Variants in CTNND2 observed in about 807,000 individuals in gnomAD.
CTNND2 encodes catenin delta 2.
Under a neutral mutation model 144.4 loss-of-function variants are expected in CTNND2, and 22 were observed. The ratio of observed to expected loss-of-function variants is 0.15; its 90% CI spans 0.11 to 0.22. The LOEUF (loss-of-function observed/expected upper bound fraction) is 0.22. CTNND2 is among the 10% of genes least tolerant of loss of function. CTNND2 has a pLI of 1.00. For synonymous variants in CTNND2, 751 were observed against 695.6 expected, an observed-to-expected ratio of 1.08 and a Z score of -1.25; for missense variants, 1,353 against 1,618.8, an observed-to-expected ratio of 0.84 and a Z score of 2.82.
chr5:10,973,756 T>C lies in CTNND2; in HGVS notation c.3418-43A>G, dbSNP rs368954007. 3.2e-6 allele frequency: 5 copies of C among 1,541,148 alleles called. No homozygotes were observed. Among genetic ancestry groups the C allele is most frequent in the African/African-American group, 2.8e-5 (2 of 72,716 alleles). Reference sequence around the variant, plus strand: ...GCCACACTGGGTTACTTGGTTTCCCTTGACTCAGCCTGCCTCTTGCCCCGG... The same window carrying C: ...GCCACACTGGGTTACTTGGTTTCCCCTGACTCAGCCTGCCTCTTGCCCCGG... On this transcript the variant is annotated intron_variant, in intron 21 of 21. Transcript: ENST00000304623. The surrounding 1 kb of genome is among the most constrained non-coding windows in gnomAD (Gnocchi z 5.6).
intron 15 of CTNND2, among the ~76,000 whole-genome samples, chr5:11,093,748 C>A (rs1318180168): frequency 6.6e-6 from 1 of 152,134 alleles, no homozygotes; most frequent in Non-Finnish European, 1.5e-5. Context: ...AAAATGCATT[C>A]TTTGAATTCT....
intron 3 of CTNND2, among the ~76,000 whole-genome samples, chr5:11,561,014 G>A (rs1205560288): frequency 1.3e-5 from 2 of 152,124 alleles, no homozygotes; most frequent in African/African-American, 4.8e-5. Context: ...AGGTCTCCAG[G>A]CAGGAGCCTC....
chr5:11,128,815 T>A (rs1347023121), intron 12 of CTNND2, among the ~76,000 whole-genome samples: 1 of 34,618 alleles, frequency 2.9e-5, no homozygotes, highest in African/African-American at 6.5e-5. Context: ...ACAATATATA[T>A]AATATATATT....
At chr5:11,428,706 G>C (rs998914764) in intron 3 of CTNND2, among the ~76,000 whole-genome samples, 2 of 152,184 alleles carry the variant, frequency 1.3e-5, no homozygotes, top group South Asian at 2.1e-4. Context: ...AGCATGCTCT[G>C]CATTTATTTC....
chr5:11,787,839 G>C (rs142101750), intron 1 of CTNND2, among the ~76,000 whole-genome samples: 74 of 152,294 alleles, frequency 4.9e-4, no homozygotes, highest in Admixed American at 1.1e-3. Flanking sequence ...CTATTCCCTA[G>C]TGAGATTGTG....
chr5:11,124,804 C>T (rs1754506998), intron 12 of CTNND2, among the ~76,000 whole-genome samples: 2 of 152,078 alleles, frequency 1.3e-5, no homozygotes, highest in Non-Finnish European at 2.9e-5. Flanking sequence ...TTTATATGCA[C>T]GTTATGCATG....
chr5:11,428,034 C>T (rs769613409), intron 3 of CTNND2, among the ~76,000 whole-genome samples: 1 of 152,052 alleles, frequency 6.6e-6, no homozygotes, highest in Non-Finnish European at 1.5e-5. Context: ...CCTGATAAAC[C>T]CATCAGATCT....
At chr5:11,074,543 A>C (rs1042236485) in intron 16 of CTNND2, among the ~76,000 whole-genome samples, 2 of 152,208 alleles carry the variant, frequency 1.3e-5, no homozygotes, top group Non-Finnish European at 2.9e-5. Flanking sequence ...GGTTTGGTTA[A>C]AAAGGTATCT....
intron 8 of CTNND2, among the ~76,000 whole-genome samples, chr5:11,354,911 A>G (rs1755701703): frequency 6.6e-6 from 1 of 152,180 alleles, no homozygotes; most frequent in African/African-American, 2.4e-5. Flanking sequence ...TTTCTGACAA[A>G]AATGCTATTG....
intron 3 of CTNND2, among the ~76,000 whole-genome samples, chr5:11,498,873 G>A (rs530976726): frequency 6.6e-6 from 1 of 152,016 alleles, no homozygotes; most frequent in African/African-American, 2.4e-5. Flanking sequence ...TGATATATTC[G>A]GTCACTGTAT....
intron 1 of CTNND2, among the ~76,000 whole-genome samples, chr5:11,780,531 A>G (rs1790491099): frequency 1.3e-5 from 2 of 152,136 alleles, no homozygotes; most frequent in Non-Finnish European, 2.9e-5. Context: ...TATGGGGGAC[A>G]TGTTGAAATA....
chr5:11,062,852 C>T (rs1747154848), intron 16 of CTNND2, among the ~76,000 whole-genome samples: 1 of 152,214 alleles, frequency 6.6e-6, no homozygotes, highest in Admixed American at 6.5e-5. Context: ...TCTTGTTTTA[C>T]AAAACCAGGT....
chr5:11,215,530 G>A (rs1424221799), intron 10 of CTNND2, among the ~76,000 whole-genome samples: 1 of 152,166 alleles, frequency 6.6e-6, no homozygotes, highest in African/African-American at 2.4e-5. Context: ...TAGCACTCAG[G>A]TCCATGGTTG....
At chr5:11,113,666 C>T (rs16901273) in intron 13 of CTNND2, among the ~76,000 whole-genome samples, 7,070 of 152,226 alleles carry the variant, frequency 0.046, 232 homozygotes, top group East Asian at 0.095. Context: ...TTTTTTCAGG[C>T]ACCTGCTACG....
At chr5:11,136,495 G>T (rs758955504) in intron 12 of CTNND2, among the ~76,000 whole-genome samples, 70 of 151,478 alleles carry the variant, frequency 4.6e-4, no homozygotes, top group Admixed American at 9.9e-4. Flanking sequence ...GGTGCTAACT[G>T]GGGCCTATTT....
chr5:11,608,912 C>T (rs1780187031), intron 2 of CTNND2, among the ~76,000 whole-genome samples: 1 of 152,144 alleles, frequency 6.6e-6, no homozygotes, highest in South Asian at 2.1e-4. Context: ...CTCTGCCTAC[C>T]TCTCTGATTT....
chr5:11,627,747 T>C (rs116016767), intron 2 of CTNND2, among the ~76,000 whole-genome samples: 1,525 of 151,312 alleles, frequency 0.01, 14 homozygotes, highest in East Asian at 0.027. Context: ...ACATTTATTG[T>C]GCACTTTATT....
chr5:11,440,296 ATC>A (rs1764151437), intron 3 of CTNND2, among the ~76,000 whole-genome samples: 2 of 152,298 alleles, frequency 1.3e-5, no homozygotes, highest in South Asian at 4.1e-4. Context: ...GTTTCACCTT[ATC>A]TTAAACTCAA....
At chr5:11,398,006 ACT>A (rs1760296575) in intron 5 of CTNND2, among the ~76,000 whole-genome samples, 1 of 152,086 alleles carries the variant, frequency 6.6e-6, no homozygotes, top group African/African-American at 2.4e-5. Flanking sequence ...CAAATTTAAT[ACT>A]CTCTTTAGGG....
Sources: gnomAD v4.1 joint callset for allele counts (sites outside exome capture counted in the v4.1 genomes callset) on GRCh38, gnomAD v4.1.1 for gene constraint, Gnocchi (gnomAD v3.1) non-coding constraint, MANE v1.5 for transcripts, NCBI Gene and HGNC (gene_info 2026-07-23, HGNC 2026-07-21) for gene names.